The following EBF1 variants were observed in gnomAD, a reference collection of about 807,000 sequenced individuals.
The protein encoded by EBF1 is transcription factor COE1.
EBF1 carries 10 observed loss-of-function variants against 68.4 expected under a neutral mutation model. The observed-to-expected ratio is 0.15, with a 90% CI of 0.09 to 0.25. EBF1 has a LOEUF of 0.25. Ranked by LOEUF, EBF1 falls within the 10% of genes least tolerant of loss-of-function variation. The pLI, the probability that EBF1 is intolerant of heterozygous loss-of-function variation, is 1.00. For missense variants in EBF1, 509 were observed against 794.4 expected, an observed-to-expected ratio of 0.64 and a Z score of 4.32; for synonymous variants, 298 against 299.8, an observed-to-expected ratio of 0.99 and a Z score of 0.06.
At chr5:158,735,561 G>A (rs1389918208) in intron 10 of EBF1, among the ~76,000 whole-genome samples, 1 of 152,144 alleles carries the variant, frequency 6.6e-6, no homozygotes, top group African/African-American at 2.4e-5. Context: ...AAATGTCTCA[G>A]CTGAGATTTG....
intron 6 of EBF1, among the ~76,000 whole-genome samples, chr5:158,953,606 A>G (rs1816478342): frequency 6.6e-6 from 1 of 152,230 alleles, no homozygotes; most frequent in Admixed American, 6.5e-5. Flanking sequence ...GGGAAGATTT[A>G]GGGGGAAGAG....
At chr5:159,084,063 G>A (rs545421934) in intron 5 of EBF1, among the ~76,000 whole-genome samples, 1 of 152,202 alleles carries the variant, frequency 6.6e-6, no homozygotes, top group South Asian at 2.1e-4. Flanking sequence ...ATGCCTTTTA[G>A]GGACTCATCT....
chr5:158,760,866 A>C (rs1190804954), intron 10 of EBF1, among the ~76,000 whole-genome samples: 1 of 152,190 alleles, frequency 6.6e-6, no homozygotes, highest in Non-Finnish European at 1.5e-5. Context: ...TGATTACTTT[A>C]AACTGGGAAT....
chr5:158,697,550 A>AAT lies in EBF1; in HGVS notation c.*1560_*1561insAT, dbSNP rs1755956112. The AAT allele has an allele frequency of 4.8e-6, 1 of 206,998 alleles. No individual in the cohort carries two copies. Among genetic ancestry groups the AAT allele is most frequent in the African/African-American group, 2.3e-5 (1 of 43,852 alleles). 12.8% of individuals were successfully genotyped at this position (206,998 alleles called of 1,614,324 possible). A position where few individuals can be genotyped will look rare whatever the true frequency, so the allele number is the denominator to read the frequency against. On this transcript the variant is annotated 3_prime_UTR_variant, in exon 16 of 16. Coordinates refer to ENST00000313708, the MANE Select transcript of EBF1 (RefSeq NM_024007.5). ...AGGGAAAAGCAATGTACAAATTCGAAAGATAAATACATTATTTATATGGAT... is the reference window on the plus strand; with the variant it reads ...AGGGAAAAGCAATGTACAAATTCGAAATAGATAAATACATTATTTATATGGAT...
Position 158,777,554 on chromosome 5 carries a change from TG to T in EBF1, c.910-16del, listed in dbSNP as rs750110019. The T allele has an allele frequency of 5.1e-6, 8 of 1,583,762 alleles. No individual in the cohort carries two copies. The East Asian group carries it at 6.8e-5, about 13-fold the overall frequency. On this transcript the variant is annotated splice_polypyrimidine_tract_variant and intron_variant, in intron 9 of 15. Coordinates refer to ENST00000313708, the MANE Select transcript of EBF1 (RefSeq NM_024007.5). Reference sequence around the variant, plus strand: ...GGAGTGATCAACTGGAGGAGACATTTGGGGGGAAAAATTGTCATTGCAATAG... The same window carrying T: ...GGAGTGATCAACTGGAGGAGACATTTGGGGGAAAAATTGTCATTGCAATAG...
chr5:158,983,933 T>A (rs1758426532), intron 6 of EBF1, among the ~76,000 whole-genome samples: 1 of 151,482 alleles, frequency 6.6e-6, no homozygotes, highest in Admixed American at 6.6e-5. Context: ...TGTGTGTGTG[T>A]GTGTGTGTAA....
intron 8 of EBF1, among the ~76,000 whole-genome samples, chr5:158,817,540 T>C (rs989400331): frequency 1.3e-5 from 2 of 152,172 alleles, no homozygotes; most frequent in African/African-American, 2.4e-5. Context: ...ATCATGCCCT[T>C]GGACTTCCCA....
At chr5:159,028,965 C>T (rs1440782836) in intron 6 of EBF1, among the ~76,000 whole-genome samples, 1 of 152,062 alleles carries the variant, frequency 6.6e-6, no homozygotes, top group Non-Finnish European at 1.5e-5. Flanking sequence ...GCTTTGCAAA[C>T]AAAATGGAAG....
At chr5:158,963,184 G>A (rs766873064) in intron 6 of EBF1, among the ~76,000 whole-genome samples, 3 of 152,234 alleles carry the variant, frequency 2.0e-5, no homozygotes, top group Non-Finnish European at 4.4e-5. Context: ...ATCCTCAAAT[G>A]TCTGTTCCAC....
At position 158,788,265 on chromosome 5, in the gene EBF1, A is replaced by T. The variant is rs568128059; in HGVS notation, c.909+8080T>A. Among the ~76,000 whole-genome samples, 4 of 152,314 alleles carry T rather than the reference A, an allele frequency of 2.6e-5. No homozygotes were observed. The East Asian group carries it at 7.7e-4, about 29-fold the overall frequency. On this transcript the variant is annotated intron_variant, in intron 9 of 15. Transcript: ENST00000313708. ...TTAGACAGAAGAGAAAATATTCTAT[A>T]CCTGGAGTCATATGGGAAGATTCCA...
chr5:158,850,985 A>G (rs1246022024), intron 6 of EBF1, among the ~76,000 whole-genome samples: 2 of 152,090 alleles, frequency 1.3e-5, no homozygotes, highest in East Asian at 3.9e-4. Flanking sequence ...TGACAGAGCG[A>G]GACTCCATCT....
intron 6 of EBF1, among the ~76,000 whole-genome samples, chr5:158,987,563 G>T (rs746671478): frequency 6.6e-6 from 1 of 152,168 alleles, no homozygotes; most frequent in Non-Finnish European, 1.5e-5. Flanking sequence ...AAGGTTCAGA[G>T]GATGTCCAAA....
intron 6 of EBF1, among the ~76,000 whole-genome samples, chr5:159,011,285 A>T (rs1257164966): frequency 2.0e-5 from 3 of 152,234 alleles, no homozygotes; most frequent in Non-Finnish European, 2.9e-5. Flanking sequence ...GCTCCGCCAG[A>T]TGTGAAGGGT....
At chr5:158,746,647 GA>G (rs914883419) in intron 10 of EBF1, among the ~76,000 whole-genome samples, 5 of 150,314 alleles carry the variant, frequency 3.3e-5, no homozygotes, top group Non-Finnish European at 5.9e-5. Flanking sequence ...AACCAACAAG[GA>G]AAAAAAAAGT....
chr5:158,952,299 A>T (rs1325713831), intron 6 of EBF1, among the ~76,000 whole-genome samples: 1 of 152,194 alleles, frequency 6.6e-6, no homozygotes, highest in African/African-American at 2.4e-5. Context: ...AAGTCAAGGG[A>T]TTTACCACCC....
chr5:158,956,529 C>A (rs994646848), intron 6 of EBF1, among the ~76,000 whole-genome samples: 1 of 152,074 alleles, frequency 6.6e-6, no homozygotes, highest in Admixed American at 6.6e-5. Flanking sequence ...TAAAATAGCT[C>A]TTGACAATTT....
At chr5:158,884,083 T>C (rs534730816) in intron 6 of EBF1, among the ~76,000 whole-genome samples, 1 of 152,332 alleles carries the variant, frequency 6.6e-6, no homozygotes, top group Non-Finnish European at 1.5e-5. Context: ...GTAAAGTTTC[T>C]GGCACAATAC....
intron 1 of EBF1, among the ~76,000 whole-genome samples, 193 bp from the exon 2 acceptor site, chr5:159,097,323 G>A (rs939272591): frequency 6.6e-6 from 1 of 152,218 alleles, no homozygotes; most frequent in Non-Finnish European, 1.5e-5. Context: ...TCATGTCCTC[G>A]TCCTCTCCGC....
intron 6 of EBF1, among the ~76,000 whole-genome samples, chr5:158,958,388 G>A (rs1398776806): frequency 1.3e-5 from 2 of 152,050 alleles, no homozygotes; most frequent in Non-Finnish European, 2.9e-5. Flanking sequence ...GGTGCTGATT[G>A]GAGTACCACA....
Sources: gnomAD v4.1 joint callset for allele counts (sites outside exome capture counted in the v4.1 genomes callset) on GRCh38, gnomAD v4.1.1 for gene constraint, MANE v1.5 for transcripts, NCBI Gene and HGNC (gene_info 2026-07-23, HGNC 2026-07-21) for gene names.